The following UTRN variants were observed in gnomAD, a reference collection of about 807,000 sequenced individuals.
The protein encoded by UTRN is dystrophin-related protein 1.
UTRN carries 283 observed loss-of-function variants against 463.9 expected under a neutral mutation model. The observed-to-expected ratio is 0.61, with a 90% CI of 0.55 to 0.67. The LOEUF is 0.67. Ranked by LOEUF, UTRN falls within the 30% of genes least tolerant of loss-of-function variation. UTRN has a pLI of 0.00. For missense variants in UTRN, 3,922 were observed against 4,084.3 expected (o/e 0.96, Z 1.08); for synonymous variants, 1,442 against 1,431.5 (o/e 1.01, Z -0.17).
chr6:144,516,418 G>A, intron 38 of UTRN, 31 bp downstream of exon 38: 2 of 1,587,230 alleles, frequency 1.3e-6, no homozygotes. Flanking sequence ...AAACCATGGT[G>A]GTCTCATTTT....
At chr6:144,615,078 T>A (rs1805942599) in intron 51 of UTRN, among the ~76,000 whole-genome samples, 1 of 152,182 alleles carries the variant, frequency 6.6e-6, no homozygotes, top group South Asian at 2.1e-4. Context: ...CATGAAACAT[T>A]GTTATGAATC....
intron 2 of UTRN, chr6:144,398,902 A>G (rs1410369395): frequency 6.6e-6 from 1 of 152,218 alleles, no homozygotes; most frequent in Non-Finnish European, 1.5e-5. Flanking sequence ...TACAGAGTGA[A>G]GTGAAACTCT....
intron 43 of UTRN, among the ~76,000 whole-genome samples, chr6:144,533,885 T>C (rs1797300854): frequency 1.3e-5 from 2 of 152,142 alleles, no homozygotes; most frequent in Admixed American, 1.3e-4. Flanking sequence ...GACATTATTT[T>C]CTGAGACAGT....
intron 53 of UTRN, among the ~76,000 whole-genome samples, chr6:144,701,427 C>A (rs1029481069): frequency 2.6e-5 from 4 of 151,790 alleles, no homozygotes; most frequent in African/African-American, 9.7e-5. Flanking sequence ...TTATACTGCT[C>A]AAATTTCTGT....
At chr6:144,546,105 CA>C (rs1297333573) in intron 46 of UTRN, among the ~76,000 whole-genome samples, 3 of 151,936 alleles carry the variant, frequency 2.0e-5, no homozygotes, top group Non-Finnish European at 4.4e-5. Flanking sequence ...TTTTTATCTA[CA>C]AAAAAAGTTA....
At chr6:144,818,638 A>C (rs1409044483) in intron 65 of UTRN, among the ~76,000 whole-genome samples, 1 of 152,242 alleles carries the variant, frequency 6.6e-6, no homozygotes, top group Non-Finnish European at 1.5e-5. Context: ...AAAGAAATAA[A>C]TTGGGTCATA....
At chr6:144,390,759 C>G (rs1781835052) in intron 2 of UTRN, among the ~76,000 whole-genome samples, 1 of 152,176 alleles carries the variant, frequency 6.6e-6, no homozygotes, top group Non-Finnish European at 1.5e-5. Context: ...CCCTTTTCAT[C>G]CCCATCAAGA....
intron 53 of UTRN, among the ~76,000 whole-genome samples, chr6:144,722,843 G>T (rs923865587): frequency 6.6e-6 from 1 of 152,098 alleles, no homozygotes; most frequent in African/African-American, 2.4e-5. Context: ...AGGCTGTTTT[G>T]TCCCGCCCTC....
At chr6:144,754,598 A>T in intron 56 of UTRN, 122 bp from the exon 57 acceptor site, 1 of 736,742 alleles carries the variant, frequency 1.4e-6, no homozygotes, top group Admixed American at 2.9e-5. Flanking sequence ...CAAGGGGTCT[A>T]TATAAACAAT....
intron 43 of UTRN, among the ~76,000 whole-genome samples, chr6:144,536,603 G>C (rs953637421): frequency 2.0e-5 from 3 of 151,820 alleles, no homozygotes; most frequent in Non-Finnish European, 4.4e-5. Context: ...TGTATTGCAC[G>C]ATTATGTGAG....
chr6:144,688,539 G>A (rs115704202), intron 52 of UTRN, among the ~76,000 whole-genome samples: 5,200 of 152,054 alleles, frequency 0.034, 111 homozygotes, highest in African/African-American at 0.044. Context: ...GTTCGACTAT[G>A]TGTTCTTTTA....
At chr6:144,350,448 T>C (rs1778016094) in intron 2 of UTRN, among the ~76,000 whole-genome samples, 2 of 152,222 alleles carry the variant, frequency 1.3e-5, no homozygotes, top group South Asian at 4.1e-4. Context: ...ACCATCCTGA[T>C]TTAGTGGCAT....
chr6:144,744,846 T>C (rs1790533057), intron 54 of UTRN, among the ~76,000 whole-genome samples: 1 of 152,228 alleles, frequency 6.6e-6, no homozygotes, highest in Admixed American at 6.5e-5. Flanking sequence ...ATTTAGTGAC[T>C]GTGCTCTGTG....
rs771370317 is a variant in UTRN, at chr6:144,548,841, T to C, written c.6797T>C (p.Val2266Ala). 6.2e-7 allele frequency: 1 copy of C among 1,613,844 alleles called. No homozygotes were observed. Among genetic ancestry groups the C allele is most frequent in the Non-Finnish European group, 8.5e-7 (1 of 1,179,880 alleles). ...GATGTAGAAGAGATCAATAAGACCG[T>C]TTCCCGAATGAAAGTAGGTGCATAG... Reference protein sequence around the residue: ...VGDVEEINKTVSRMKITKADL... With the variant: ...VGDVEEINKTASRMKITKADL... The change falls in exon 47 of 75, where the codon GTT becomes GCT. Residue 2266 changes from valine to alanine, a missense_variant. Around this residue, in one of 3 missense-constraint regions of UTRN, gnomAD observed 1,309 missense variants for 1,452.6 expected, o/e 0.90. Coordinates refer to ENST00000367545, the MANE Select transcript of UTRN (RefSeq NM_007124.3).
chr6:144,777,975 T>C (rs1775481409), intron 60 of UTRN, among the ~76,000 whole-genome samples: 1 of 152,196 alleles, frequency 6.6e-6, no homozygotes, highest in Non-Finnish European at 1.5e-5. Context: ...GAAATTCCTT[T>C]CGGTTTTTTT....
chr6:144,474,954 G>A (rs1791039470), intron 25 of UTRN, among the ~76,000 whole-genome samples, 195 bp downstream of exon 25: 2 of 152,172 alleles, frequency 1.3e-5, no homozygotes, highest in Admixed American at 1.3e-4. Context: ...TGTCCAGTTT[G>A]GCTCAGGGCT....
chr6:144,764,659 CA>C (rs1316054350), intron 58 of UTRN, among the ~76,000 whole-genome samples: 1 of 151,408 alleles, frequency 6.6e-6, no homozygotes, highest in Non-Finnish European at 1.5e-5. Context: ...TTGCAATTAG[CA>C]AAAGTACAGA....
chr6:144,737,283 C>A (rs574205163), intron 54 of UTRN, among the ~76,000 whole-genome samples: 9 of 152,006 alleles, frequency 5.9e-5, no homozygotes, highest in African/African-American at 2.2e-4. Flanking sequence ...ACTTGATGTC[C>A]GGTGAGTGAT....
rs201277473 is a variant in UTRN, at chr6:144,514,723, A to C, written c.5147A>C (p.Asn1716Thr). Residue 1716 changes from asparagine to threonine, a missense_variant, in exon 37 of 75, where the codon AAT becomes ACT. Physicochemically the swap from Asn to Thr is moderately conservative, Grantham distance 65. Around this residue, in one of 3 missense-constraint regions of UTRN, gnomAD observed 2,349 missense variants for 2,303.8 expected, o/e 1.02. Transcript: ENST00000367545. ...CGCGATCAAGCCCTTATTTTGATGA[A>C]TGCCCGTGGAAGCTCAAGCAGGGAG... ...NVRDQALILM[N>T]ARGSSSRELV... 1.4e-5 allele frequency: 22 copies of C among 1,614,172 alleles called. No individual in the cohort carries two copies. In the East Asian group the frequency reaches 4.7e-4, roughly 34 times the overall value.
Sources: allele counts gnomAD v4.1 joint callset (sites outside exome capture counted in the v4.1 genomes callset), GRCh38; gene constraint gnomAD v4.1.1; regional missense constraint gnomAD v4.1.1; transcripts MANE v1.5; gene names NCBI Gene and HGNC (gene_info 2026-07-23, HGNC 2026-07-21).